Variants in TBX19 observed in about 807,000 individuals in gnomAD.
TBX19 encodes the protein T-box transcription factor TBX19.
In TBX19, 33 loss-of-function variants were observed where a neutral mutation model predicts 40.9. The observed-to-expected ratio is 0.81, with a 90% CI of 0.61 to 1.08. The LOEUF (loss-of-function observed/expected upper bound fraction) is 1.08. Ranked by LOEUF, TBX19 falls within the 50% of genes least tolerant of loss-of-function variation. The probability of loss-of-function intolerance (pLI) is 0.00; values close to 1 mark genes in which losing one functional copy is unlikely to be tolerated. For synonymous variants in TBX19, 220 were observed against 225.0 expected, an observed-to-expected ratio of 0.98 and a Z score of 0.20; for missense variants, 494 against 574.0, an observed-to-expected ratio of 0.86 and a Z score of 1.42.
chr1:168,297,587 C>A, intron 3 of TBX19, 137 bp from the exon 4 acceptor site: 1 of 760,058 alleles, frequency 1.3e-6, no homozygotes, highest in Non-Finnish European at 2.3e-6. Context: ...GCTGGGATTA[C>A]AGGCATAAGC....
At position 168,312,810 on chromosome 1, in the gene TBX19, C is replaced by T. The variant is rs1468904539; in HGVS notation, c.1155C>T (p.Asn385=). The T allele has an allele frequency of 2.0e-5, 32 of 1,614,266 alleles. No homozygotes were observed. The highest frequency in any genetic ancestry group is 2.5e-5 in the Non-Finnish European group (29 of 1,180,054). The change falls in exon 8 of 8, where the codon AAC becomes AAT. Residue 385 remains asparagine, a synonymous_variant. Coordinates refer to ENST00000367821, the MANE Select transcript of TBX19 (RefSeq NM_005149.3). ...ASTPGAFLLG[N]PAVTSPPSVL... ...CCCCAGGAGCATTTCTCCTCGGAAA[C>T]CCAGCTGTGACTTCACCCCCTTCTG...
intron 1 of TBX19, 102 bp downstream of exon 1, chr1:168,281,395 G>A: frequency 9.0e-7 from 1 of 1,109,456 alleles, no homozygotes; most frequent in Non-Finnish European, 1.4e-6. Context: ...AGAGGCGGCG[G>A]GATCTGATTA....
Position 168,308,722 on chromosome 1 carries a change from A to G in TBX19, c.917-20A>G. The G allele has an allele frequency of 6.2e-7, 1 of 1,614,086 alleles. No individual in the cohort carries two copies. ...GTCTTCTACATTTGCTATCAATTCA[A>G]CTGTTGTTATTTCCCCAAGTGAATT... On this transcript the variant is annotated intron_variant, in intron 6 of 7. Transcript: ENST00000367821.
chr1:168,295,237 G>A (rs1368523705), intron 3 of TBX19, among the ~76,000 whole-genome samples: 1 of 152,038 alleles, frequency 6.6e-6, no homozygotes, highest in African/African-American at 2.4e-5. Context: ...GTTGCAGTGA[G>A]CCGAGATTGC....
intron 1 of TBX19, among the ~76,000 whole-genome samples, chr1:168,281,645 C>T (rs1048822097): frequency 1.3e-5 from 2 of 152,248 alleles, no homozygotes; most frequent in African/African-American, 4.8e-5. Context: ...TGAGCCCCAA[C>T]TCCGTCCAGA....
chr1:168,291,445 C>A, intron 2 of TBX19, 21 bp downstream of exon 2: 1 of 1,614,026 alleles, frequency 6.2e-7, no homozygotes, highest in African/African-American at 1.3e-5. Context: ...GGCGGGCAGG[C>A]CTGGCCACCC....
rs1649569165 is a variant in TBX19, at chr1:168,313,252, G to A, written c.*250G>A. 1.7e-6 allele frequency: 1 copy of A among 578,924 alleles called. No homozygotes were observed. The highest frequency in any genetic ancestry group is 3.1e-6 in the Non-Finnish European group (1 of 325,808). The allele number at this position is 578,924 out of a possible 1,614,324, so 35.9% of individuals were successfully genotyped here. A position where few individuals can be genotyped will look rare whatever the true frequency, so the allele number is the denominator to read the frequency against. ...TGCAGCTTATTCTTGCCATGCTTAGGTGACAGAAGTTTGTTAAGTACCATC... is the reference window on the plus strand; with the variant it reads ...TGCAGCTTATTCTTGCCATGCTTAGATGACAGAAGTTTGTTAAGTACCATC... On this transcript the variant is annotated 3_prime_UTR_variant, in exon 8 of 8. Transcript: ENST00000367821.
At chr1:168,285,213 A>T (rs1011681247) in intron 1 of TBX19, among the ~76,000 whole-genome samples, 1 of 151,120 alleles carries the variant, frequency 6.6e-6, no homozygotes, top group Non-Finnish European at 1.5e-5. Context: ...TGCTATTCTT[A>T]TGCCTGCTCA....
intron 7 of TBX19, among the ~76,000 whole-genome samples, chr1:168,309,833 G>A (rs190173878): frequency 5.9e-5 from 9 of 152,158 alleles, no homozygotes; most frequent in African/African-American, 9.6e-5. Flanking sequence ...CTTTCTTATC[G>A]GTATCATGGA....
chr1:168,308,533 G>T (rs1649456356), intron 6 of TBX19: 2 of 611,316 alleles, frequency 3.3e-6, no homozygotes, highest in African/African-American at 1.8e-5. Context: ...CTGGTGTGAA[G>T]ATTAAACTAT....
At chr1:168,300,512 TG>T in intron 5 of TBX19, 29 bp downstream of exon 5, 1 of 1,608,398 alleles carries the variant, frequency 6.2e-7, no homozygotes, top group Non-Finnish European at 8.5e-7. Flanking sequence ...AGGCGGGAGG[TG>T]CGTGGGGCTG....
rs759374965 is a variant in TBX19 at position 168,305,167 on chromosome 1, C to T, written c.887C>T (p.Ala296Val). 2.0e-5 allele frequency: 32 copies of T among 1,612,904 alleles called. No individual in the cohort carries two copies. The highest frequency in any genetic ancestry group is 5.0e-5 in the Admixed American group (3 of 59,992). ...CACCGGCAGGCTCCCTACCCTTCTG[C>T]GTACATGCACAGAAACCATTCTCCC... ...RGHRQAPYPS[A>V]YMHRNHSPSV... The change falls in exon 6 of 8, where the codon GCG (alanine) becomes GTG (valine). Residue 296 changes from alanine (A) to valine (V), a missense_variant. Coordinates refer to ENST00000367821, the MANE Select transcript of TBX19 (RefSeq NM_005149.3).
chr1:168,291,447 T>G (rs761455090), intron 2 of TBX19, 23 bp downstream of exon 2: 49 of 1,613,940 alleles, frequency 3.0e-5, no homozygotes, highest in Non-Finnish European at 3.8e-5. Flanking sequence ...CGGGCAGGCC[T>G]GGCCACCCGC....
chr1:168,287,827 G>C (rs772289740), intron 1 of TBX19, among the ~76,000 whole-genome samples: 3 of 151,996 alleles, frequency 2.0e-5, no homozygotes, highest in Non-Finnish European at 4.4e-5. Context: ...AAACTTTGAG[G>C]GGGACTTTTC....
intron 2 of TBX19, among the ~76,000 whole-genome samples, chr1:168,292,412 A>G (rs1648962451): frequency 6.6e-6 from 1 of 152,236 alleles, no homozygotes; most frequent in South Asian, 2.1e-4. Context: ...AGTCACTTGG[A>G]AAATGCACCC....
chr1:168,303,981 C>G (rs1453749737), intron 5 of TBX19, among the ~76,000 whole-genome samples: 4 of 152,124 alleles, frequency 2.6e-5, no homozygotes, highest in Admixed American at 2.0e-4. Flanking sequence ...TCAGCAAGGC[C>G]TTTGTTGTAT....
intron 1 of TBX19, 150 bp from the exon 2 acceptor site, chr1:168,291,010 C>T (rs1648923522): frequency 2.2e-6 from 2 of 919,270 alleles, no homozygotes; most frequent in Non-Finnish European, 3.5e-6. Context: ...AAAGAAGCTC[C>T]AGTAGAATTG....
intron 1 of TBX19, among the ~76,000 whole-genome samples, chr1:168,284,027 AAACACGGAATT>A (rs1648742717): frequency 6.6e-6 from 1 of 152,134 alleles, no homozygotes; most frequent in African/African-American, 2.4e-5. Flanking sequence ...TTTCTCTGAA[AAACACGGAATT>A]ATCTCCAGAA....
At chr1:168,298,644 T>G (rs1387440712) in intron 4 of TBX19, among the ~76,000 whole-genome samples, 1 of 151,408 alleles carries the variant, frequency 6.6e-6, no homozygotes, top group South Asian at 2.1e-4. Flanking sequence ...TTCTTTCCCT[T>G]CTTTCCCTTT....
Sources: allele counts gnomAD v4.1 joint callset (sites outside exome capture counted in the v4.1 genomes callset), GRCh38; gene constraint gnomAD v4.1.1; transcripts MANE v1.5; gene names NCBI Gene and HGNC (gene_info 2026-07-23, HGNC 2026-07-21).